Variants in PPM1H observed in about 807,000 individuals in gnomAD.
PPM1H encodes the protein protein phosphatase 1H.
Under a neutral mutation model 54.9 loss-of-function variants are expected in PPM1H, and 27 were observed. That is an observed-to-expected ratio of 0.49 (90% CI 0.36 to 0.68). PPM1H has a LOEUF of 0.68. Among genes scored for constraint, PPM1H ranks in the 30% least tolerant of loss-of-function variants. The pLI is 0.00. For synonymous variants in PPM1H, 305 were observed against 270.8 expected (o/e 1.13, Z -1.24); for missense variants, 596 against 667.8 (o/e 0.89, Z 1.19).
chr12:62,907,000 T>C (rs1871320807), intron 1 of PPM1H, among the ~76,000 whole-genome samples: 1 of 152,190 alleles, frequency 6.6e-6, no homozygotes, highest in Non-Finnish European at 1.5e-5. Context: ...AGCTGAGAAA[T>C]ACTCTCAAGA....
At chr12:62,765,846 G>A (rs1187423556) in intron 4 of PPM1H, among the ~76,000 whole-genome samples, 1 of 152,234 alleles carries the variant, frequency 6.6e-6, no homozygotes, top group African/African-American at 2.4e-5. Flanking sequence ...AGGGCAGCAT[G>A]TTATCAAGAC....
In PPM1H at chr12:62,768,697, G is replaced by A. The variant is rs529598314; in HGVS notation, c.869+19529C>T. Among the ~76,000 whole-genome samples the A allele has an allele frequency of 9.2e-5, 14 of 152,114 alleles. No individual in the cohort carries two copies. The South Asian group carries it at 2.9e-3, about 32-fold the overall frequency. ...CACAGGGATAAGGGGAAGGTTGTGCGAAATGAGAGAACTTTGAGTATGTTT... is the reference window on the plus strand; with the variant it reads ...CACAGGGATAAGGGGAAGGTTGTGCAAAATGAGAGAACTTTGAGTATGTTT... On this transcript the variant is annotated intron_variant, in intron 4 of 9. Coordinates refer to ENST00000228705, the MANE Select transcript of PPM1H (RefSeq NM_020700.2).
chr12:62,718,345 C>T (rs562889439), intron 6 of PPM1H, among the ~76,000 whole-genome samples: 1 of 152,336 alleles, frequency 6.6e-6, no homozygotes, highest in African/African-American at 2.4e-5. Flanking sequence ...CGAGACCTCA[C>T]ATAAATGTTG....
intron 1 of PPM1H, among the ~76,000 whole-genome samples, chr12:62,859,392 G>A (rs901162984): frequency 1.3e-5 from 2 of 152,170 alleles, no homozygotes; most frequent in African/African-American, 4.8e-5. Flanking sequence ...ATGCCCAAAT[G>A]TCTGTTTTCA....
chr12:62,690,448 G>A (rs1177776684), intron 7 of PPM1H, among the ~76,000 whole-genome samples: 2 of 152,172 alleles, frequency 1.3e-5, no homozygotes, highest in Non-Finnish European at 2.9e-5. Flanking sequence ...GGAACAAAAT[G>A]TCACCAGTGC....
At chr12:62,763,767 G>A (rs1438580752) in intron 4 of PPM1H, among the ~76,000 whole-genome samples, 16 of 152,190 alleles carry the variant, frequency 1.1e-4, no homozygotes, top group Non-Finnish European at 1.5e-5. Context: ...TAGGGGTGAA[G>A]CAACCAAAAT....
chr12:62,667,672 C>T (rs989240397), intron 8 of PPM1H, among the ~76,000 whole-genome samples: 1 of 152,200 alleles, frequency 6.6e-6, no homozygotes, highest in Non-Finnish European at 1.5e-5. Context: ...CAGCAGTGAG[C>T]TTGTTTGCTG....
chr12:62,782,080 T>C (rs1007560843), intron 4 of PPM1H, among the ~76,000 whole-genome samples: 6 of 152,164 alleles, frequency 3.9e-5, no homozygotes, highest in Admixed American at 3.9e-4. Context: ...GTGTATTTAA[T>C]ATAGTTAATG....
chr12:62,715,029 C>T (rs748175), intron 6 of PPM1H, among the ~76,000 whole-genome samples: 16,903 of 152,178 alleles, frequency 0.11, 1,218 homozygotes, highest in African/African-American at 0.19. Flanking sequence ...GCACGAAGTA[C>T]GCTGATCCTA....
At chr12:62,922,033 C>T (rs1344503700) in intron 1 of PPM1H, among the ~76,000 whole-genome samples, 1 of 152,102 alleles carries the variant, frequency 6.6e-6, no homozygotes, top group Non-Finnish European at 1.5e-5. Flanking sequence ...TTAAGACATA[C>T]AGGCTTTCCA....
At chr12:62,933,418 G>T (rs1417517175) in intron 1 of PPM1H, among the ~76,000 whole-genome samples, 1 of 152,122 alleles carries the variant, frequency 6.6e-6, no homozygotes, top group African/African-American at 2.4e-5. Flanking sequence ...GAGCTGATTG[G>T]TTCCCGGACG....
intron 8 of PPM1H, among the ~76,000 whole-genome samples, chr12:62,670,229 G>A (rs2075949465): frequency 6.6e-6 from 1 of 151,720 alleles, no homozygotes; most frequent in South Asian, 2.1e-4. Context: ...CACCCACCTC[G>A]GCCTCCCAAA....
intron 4 of PPM1H, among the ~76,000 whole-genome samples, chr12:62,769,290 G>A (rs4763196): frequency 0.038 from 5,857 of 152,334 alleles, 159 homozygotes; most frequent in Non-Finnish European, 0.057. Flanking sequence ...TGTCTGCAGA[G>A]TCCACATTCA....
chr12:62,837,425 T>C (rs374952170), intron 1 of PPM1H, among the ~76,000 whole-genome samples: 9 of 152,352 alleles, frequency 5.9e-5, no homozygotes, highest in Admixed American at 2.0e-4. Context: ...TGGACATTTT[T>C]GAAGGTTTCC....
At chr12:62,713,856 C>G (rs1008395323) in intron 6 of PPM1H, among the ~76,000 whole-genome samples, 2 of 152,058 alleles carry the variant, frequency 1.3e-5, no homozygotes, top group African/African-American at 4.8e-5. Flanking sequence ...GTAGTACCAG[C>G]TACTCAAGAG....
intron 2 of PPM1H, among the ~76,000 whole-genome samples, chr12:62,815,839 A>G (rs1356882115): frequency 1.3e-5 from 2 of 152,102 alleles, no homozygotes; most frequent in Non-Finnish European, 2.9e-5. Context: ...TGCTTATCCA[A>G]TCAGAGGGCT....
chr12:62,774,269 TG>T (rs1287845310), intron 4 of PPM1H, among the ~76,000 whole-genome samples: 1 of 152,244 alleles, frequency 6.6e-6, no homozygotes, highest in African/African-American at 2.4e-5. Flanking sequence ...GATTAATCTC[TG>T]GACTCCCAGC....
rs149013981 is a variant in PPM1H, at chr12:62,915,572, A to T, written c.245+18920T>A. Among the ~76,000 whole-genome samples, 774 of 152,326 alleles carry T rather than the reference A, an allele frequency of 5.1e-3. 5 individuals are homozygous for T. Among genetic ancestry groups the T allele is most frequent in the African/African-American group, 0.018 (730 of 41,582 alleles). On this transcript the variant is annotated intron_variant, in intron 1 of 9. Coordinates refer to ENST00000228705, the MANE Select transcript of PPM1H (RefSeq NM_020700.2). ...AATCCCAGGTTTTACCTGAGAAGGA[A>T]AGTCCCTCCCACTTCCCCTTCAATC...
chr12:62,859,500 A>G (rs1300972238), intron 1 of PPM1H, among the ~76,000 whole-genome samples: 1 of 152,184 alleles, frequency 6.6e-6, no homozygotes, highest in East Asian at 1.9e-4. Context: ...TGTCTCAGCA[A>G]ATGACAGAAA....
Sources: gnomAD v4.1 joint callset for allele counts (sites outside exome capture counted in the v4.1 genomes callset) on GRCh38, gnomAD v4.1.1 for gene constraint, MANE v1.5 for transcripts, NCBI Gene and HGNC (gene_info 2026-07-23, HGNC 2026-07-21) for gene names.